The following NELL2 variants were observed in gnomAD, a reference collection of about 807,000 sequenced individuals.
The protein encoded by NELL2 is protein kinase C-binding protein NELL2.
Under a neutral mutation model 109.6 loss-of-function variants are expected in NELL2, and 41 were observed. That is an observed-to-expected ratio of 0.37 (90% CI 0.29 to 0.49). The LOEUF is 0.49. NELL2 is among the 20% of genes least tolerant of loss of function. NELL2 has a pLI of 0.98. For missense variants in NELL2, 900 were observed against 1,008.3 expected, an observed-to-expected ratio of 0.89 and a Z score of 1.45; for synonymous variants, 355 against 344.7, an observed-to-expected ratio of 1.03 and a Z score of -0.33.
chr12:44,659,291 G>T (rs538391573), intron 13 of NELL2, among the ~76,000 whole-genome samples: 1 of 152,292 alleles, frequency 6.6e-6, no homozygotes, highest in East Asian at 1.9e-4. Flanking sequence ...CATGGGCAAA[G>T]ACTTCATGAC....
rs1947024065 is a variant in NELL2, at chr12:44,644,641, TATATATATAC to T, written c.1444+20833_1444+20842del. ...ATATATATATACATACATATATATATATATATATACACACACACAACACTGCATACTCACT... is the reference window on the plus strand; with the variant it reads ...ATATATATATACATACATATATATATACACACACAACACTGCATACTCACT... On this transcript the variant is annotated intron_variant, in intron 13 of 19. Coordinates refer to ENST00000429094, the MANE Select transcript of NELL2 (RefSeq NM_001145108.2). Among the ~76,000 whole-genome samples, 5 of 129,770 alleles carry T rather than the reference TATATATATAC, an allele frequency of 3.9e-5. 1 individual carries two copies. The highest frequency in any genetic ancestry group is 3.1e-4 in the Admixed American group (4 of 12,804). The allele number at this position is 129,770 out of a possible 152,430, so 85.1% of individuals were successfully genotyped here. A position where few individuals can be genotyped will look rare whatever the true frequency, so the allele number is the denominator to read the frequency against.
At chr12:44,902,538 A>T (rs1945673048) in intron 1 of NELL2, among the ~76,000 whole-genome samples, 1 of 152,196 alleles carries the variant, frequency 6.6e-6, no homozygotes, top group African/African-American at 2.4e-5. Context: ...TCTTCACAGA[A>T]TTAGAAAAAA....
At chr12:44,667,567 A>T (rs1231601584) in intron 12 of NELL2, among the ~76,000 whole-genome samples, 2 of 152,228 alleles carry the variant, frequency 1.3e-5, no homozygotes, top group Non-Finnish European at 2.9e-5. Context: ...CAAGTTTAAC[A>T]ATCACCACTA....
At chr12:44,793,821 T>A (rs1219299583) in intron 3 of NELL2, among the ~76,000 whole-genome samples, 1 of 152,220 alleles carries the variant, frequency 6.6e-6, no homozygotes, top group Non-Finnish European at 1.5e-5. Context: ...CATAATTCAA[T>A]TCTGATATTT....
chr12:44,911,561 A>G (rs541801303), intron 1 of NELL2, among the ~76,000 whole-genome samples: 4 of 152,078 alleles, frequency 2.6e-5, no homozygotes, highest in Admixed American at 2.6e-4. Context: ...AAACTACAAA[A>G]TTCGTATGGG....
intron 13 of NELL2, among the ~76,000 whole-genome samples, chr12:44,653,410 A>G: frequency 6.6e-6 from 1 of 152,212 alleles, no homozygotes; most frequent in African/African-American, 2.4e-5. Flanking sequence ...TAAATGCCAC[A>G]AAATGATCCT....
intron 2 of NELL2, among the ~76,000 whole-genome samples, chr12:44,830,875 C>A (rs1943866065): frequency 1.3e-5 from 2 of 151,886 alleles, no homozygotes; most frequent in Non-Finnish European, 2.9e-5. Flanking sequence ...CAGGATCTTG[C>A]CAAATCTCAT....
intron 12 of NELL2, among the ~76,000 whole-genome samples, chr12:44,703,239 G>A (rs1937655762): frequency 1.3e-5 from 2 of 152,172 alleles, no homozygotes; most frequent in African/African-American, 2.4e-5. Flanking sequence ...AAATTAACTA[G>A]AAAATGATTT....
intron 15 of NELL2, among the ~76,000 whole-genome samples, chr12:44,582,880 T>A (rs1381963057): frequency 6.6e-6 from 1 of 152,144 alleles, no homozygotes; most frequent in Non-Finnish European, 1.5e-5. Context: ...ATTGATGTCA[T>A]TTTCTCGGAG....
At chr12:44,589,615 G>A (rs573369737) in intron 15 of NELL2, among the ~76,000 whole-genome samples, 4 of 152,226 alleles carry the variant, frequency 2.6e-5, no homozygotes, top group South Asian at 2.1e-4. Flanking sequence ...TCTTAACCTC[G>A]TGATCCGCCC....
At chr12:44,592,738 T>G (rs1319038910) in intron 15 of NELL2, among the ~76,000 whole-genome samples, 1 of 152,158 alleles carries the variant, frequency 6.6e-6, no homozygotes, top group African/African-American at 2.4e-5. Context: ...ATTGCAGATT[T>G]TACAAAAATA....
chr12:44,854,680 ATGGG>A (rs148831393), intron 2 of NELL2, among the ~76,000 whole-genome samples: 54,659 of 144,372 alleles, frequency 0.38, 10,281 homozygotes, highest in South Asian at 0.52. Context: ...GGATGGATGG[ATGGG>A]TGGATGGATG....
At chr12:44,749,737 C>A (rs1940560067) in intron 9 of NELL2, among the ~76,000 whole-genome samples, 1 of 152,050 alleles carries the variant, frequency 6.6e-6, no homozygotes, top group East Asian at 1.9e-4. Flanking sequence ...ACAGCAATGG[C>A]AAACTGTGAC....
At chr12:44,893,217 T>C (rs1172039846) in intron 1 of NELL2, among the ~76,000 whole-genome samples, 1 of 152,192 alleles carries the variant, frequency 6.6e-6, no homozygotes, top group East Asian at 1.9e-4. Flanking sequence ...TTTCCTGGTT[T>C]GTGGCAGCAG....
At chr12:44,712,793 G>T (rs1403238083) in intron 10 of NELL2, among the ~76,000 whole-genome samples, 3 of 151,888 alleles carry the variant, frequency 2.0e-5, no homozygotes, top group Non-Finnish European at 2.9e-5. Context: ...TGTAACAAAA[G>T]AATGTACAAT....
intron 15 of NELL2, among the ~76,000 whole-genome samples, chr12:44,591,493 T>C (rs1057432622): frequency 9.0e-6 from 1 of 111,542 alleles, no homozygotes; most frequent in African/African-American, 3.6e-5. Context: ...ATGAGAACAT[T>C]ATATTAAGTG....
At chr12:44,821,845 G>A (rs1367427782) in intron 2 of NELL2, among the ~76,000 whole-genome samples, 1 of 151,830 alleles carries the variant, frequency 6.6e-6, no homozygotes, top group Non-Finnish European at 1.5e-5. Context: ...AATCTCCCAA[G>A]TAGCTGGAAC....
chr12:44,918,677 T>C (rs148596377), upstream of NELL2, among the ~76,000 whole-genome samples: 1 of 152,290 alleles, frequency 6.6e-6, no homozygotes, highest in East Asian at 1.9e-4. Flanking sequence ...AAACACATCA[T>C]GAAGACTCAT....
At chr12:44,602,947 A>G (rs1255720365) in intron 15 of NELL2, among the ~76,000 whole-genome samples, 4 of 152,172 alleles carry the variant, frequency 2.6e-5, no homozygotes, top group African/African-American at 9.6e-5. Flanking sequence ...AATAATTTCT[A>G]TTATCCATAC....
Sources: gnomAD v4.1 joint callset for allele counts (sites outside exome capture counted in the v4.1 genomes callset) on GRCh38, gnomAD v4.1.1 for gene constraint, MANE v1.5 for transcripts, NCBI Gene and HGNC (gene_info 2026-07-23, HGNC 2026-07-21) for gene names.